Variants in RBFOX1 observed in about 807,000 individuals in gnomAD.
RBFOX1 encodes RNA binding protein fox-1 homolog 1.
RBFOX1 carries 8 observed loss-of-function variants against 57.7 expected under a neutral mutation model. That is an observed-to-expected ratio of 0.14 (90% CI 0.08 to 0.25). The LOEUF (loss-of-function observed/expected upper bound fraction) is 0.25, where lower values mean the gene tolerates loss of function less well. RBFOX1 is among the 10% of genes least tolerant of loss of function. The pLI is 1.00. For missense variants in RBFOX1, 611 were observed against 548.5 expected (o/e 1.11, Z -1.14); for synonymous variants, 326 against 222.4 (o/e 1.47, Z -4.15).
chr16:7,020,517 C>G (rs1183774357), intron 3 of RBFOX1, among the ~76,000 whole-genome samples: 1 of 151,986 alleles, frequency 6.6e-6, no homozygotes, highest in Non-Finnish European at 1.5e-5. Flanking sequence ...CCGCGCCCAG[C>G]CAATCTAAAA....
At chr16:7,334,997 G>T (rs1369445515) in intron 4 of RBFOX1, among the ~76,000 whole-genome samples, 1 of 152,148 alleles carries the variant, frequency 6.6e-6, no homozygotes, top group African/African-American at 2.4e-5. Flanking sequence ...TCACTGCTGT[G>T]GAATGCACTG....
chr16:5,256,185 C>T (rs1050482492), intron 1 of RBFOX1, among the ~76,000 whole-genome samples: 1 of 152,086 alleles, frequency 6.6e-6, no homozygotes, highest in South Asian at 2.1e-4. Context: ...GAAAAAAGTT[C>T]CCCATTGAAT....
intron 4 of RBFOX1, among the ~76,000 whole-genome samples, chr16:7,373,309 T>G (rs1266773233): frequency 6.6e-6 from 1 of 152,148 alleles, no homozygotes; most frequent in Admixed American, 6.5e-5. Context: ...CATTTGAATT[T>G]AGAACATAAA....
intron 14 of RBFOX1, among the ~76,000 whole-genome samples, chr16:7,691,389 GAGAAAGAATGA>G (rs1423388908): frequency 1.3e-4 from 19 of 150,526 alleles, no homozygotes; most frequent in Admixed American, 1.3e-3. Context: ...AAGTGGGGGA[GAGAAAGAATGA>G]AGGGAAAATG....
chr16:6,767,947 T>TAATAATA lies in RBFOX1; in HGVS notation c.-16+113299_-16+113300insTAATAAA, dbSNP rs1410744665. ...ATAATAATAATAATAATAATAATAA[T>TAATAATA]AAGAAGAAGAAGAAGAAGAAGAAGA... On this transcript the variant is annotated intron_variant, in intron 3 of 15. Coordinates refer to ENST00000550418, the MANE Select transcript of RBFOX1 (RefSeq NM_018723.4). 9.6e-4 allele frequency among the ~76,000 whole-genome samples: 97 copies of TAATAATA among 101,046 alleles called. 1 individual carries two copies. The highest frequency in any genetic ancestry group is 3.6e-3 in the East Asian group (12 of 3,342). The allele number at this position is 101,046 out of a possible 152,430, so 66.3% of individuals were successfully genotyped here.
At chr16:6,707,809 C>A (rs12446151) in intron 3 of RBFOX1, among the ~76,000 whole-genome samples, 64,307 of 152,002 alleles carry the variant, frequency 0.42, 16,741 homozygotes, top group Middle Eastern at 0.7. Flanking sequence ...TTTATGTGTT[C>A]AATTTGCATC....
chr16:5,255,683 TCTATCCATCCACCCAC>T (rs1284791193), intron 1 of RBFOX1, among the ~76,000 whole-genome samples: 1 of 151,478 alleles, frequency 6.6e-6, no homozygotes, highest in Non-Finnish European at 1.5e-5. Context: ...CACCCACCCA[TCTATCCATCCACCCAC>T]CTATCTATCC....
intron 1 of RBFOX1, among the ~76,000 whole-genome samples, chr16:6,047,824 C>T (rs2095511350): frequency 6.6e-6 from 1 of 152,124 alleles, no homozygotes; most frequent in Admixed American, 6.5e-5. Flanking sequence ...GGAGGGTATA[C>T]CATGGCTGTG....
intron 2 of RBFOX1, among the ~76,000 whole-genome samples, chr16:6,561,582 T>C (rs1388726038): frequency 6.6e-6 from 1 of 152,234 alleles, no homozygotes; most frequent in Non-Finnish European, 1.5e-5. Flanking sequence ...GGGGTTGTCA[T>C]GTAGAACAAA....
chr16:5,509,222 G>A (rs1382532680), intron 2 of RBFOX1, among the ~76,000 whole-genome samples: 1 of 152,214 alleles, frequency 6.6e-6, no homozygotes, highest in Non-Finnish European at 1.5e-5. Context: ...GAAGTGTTGG[G>A]ATATGACTGA....
At chr16:6,636,868 T>A (rs1381164383) in intron 2 of RBFOX1, among the ~76,000 whole-genome samples, 13 of 122,272 alleles carry the variant, frequency 1.1e-4, no homozygotes, top group African/African-American at 2.8e-4. Context: ...TAATATATAT[T>A]ATATGTTTAA....
intron 3 of RBFOX1, among the ~76,000 whole-genome samples, chr16:5,689,679 C>T (rs777880151): frequency 2.6e-5 from 4 of 152,002 alleles, no homozygotes; most frequent in South Asian, 2.1e-4. Flanking sequence ...TTCAGTCATT[C>T]GTACATCAGA....
intron 3 of RBFOX1, among the ~76,000 whole-genome samples, chr16:6,907,990 C>G (rs2070508465): frequency 6.6e-6 from 1 of 151,666 alleles, no homozygotes; most frequent in Non-Finnish European, 1.5e-5. Context: ...CTCTGTGTCT[C>G]TATTTTCCCT....
intron 3 of RBFOX1, among the ~76,000 whole-genome samples, chr16:5,786,483 G>T (rs760968893): frequency 6.6e-6 from 1 of 152,164 alleles, no homozygotes; most frequent in Non-Finnish European, 1.5e-5. Context: ...ACGAAGGCCA[G>T]GATAAGGAGA....
At chr16:5,506,848 G>T (rs991625592) in intron 2 of RBFOX1, among the ~76,000 whole-genome samples, 2 of 152,114 alleles carry the variant, frequency 1.3e-5, no homozygotes, top group Admixed American at 6.6e-5. Flanking sequence ...CTCTTCTCCA[G>T]CTATAGATCC....
At chr16:7,021,757 G>A (rs1448284479) in intron 3 of RBFOX1, among the ~76,000 whole-genome samples, 1 of 150,588 alleles carries the variant, frequency 6.6e-6, no homozygotes, top group South Asian at 2.1e-4. Flanking sequence ...AAGAGTAACA[G>A]TTTTTATTTA....
At chr16:6,655,112 G>A (rs2098638054) in intron 3 of RBFOX1, among the ~76,000 whole-genome samples, 1 of 151,686 alleles carries the variant, frequency 6.6e-6, no homozygotes. Flanking sequence ...GGTGGCTCAT[G>A]CCTATAATCC....
chr16:5,830,120 G>A (rs2056212420), intron 3 of RBFOX1, among the ~76,000 whole-genome samples: 1 of 152,196 alleles, frequency 6.6e-6, no homozygotes, highest in African/African-American at 2.4e-5. Context: ...GGGCTGCAAT[G>A]CTCATTTGCA....
chr16:7,043,139 T>C (rs1225231735), intron 3 of RBFOX1, among the ~76,000 whole-genome samples: 1 of 147,962 alleles, frequency 6.8e-6, no homozygotes, highest in Non-Finnish European at 1.5e-5. Context: ...CAACTCCTAT[T>C]TACTCAGTAA....
Sources: allele counts gnomAD v4.1 joint callset (sites outside exome capture counted in the v4.1 genomes callset), GRCh38; gene constraint gnomAD v4.1.1; transcripts MANE v1.5; gene names NCBI Gene and HGNC (gene_info 2026-07-23, HGNC 2026-07-21).